The following TNIK variants were observed in gnomAD, a reference collection of about 807,000 sequenced individuals.
TNIK encodes TRAF2 and NCK interacting kinase, also known as TRAF2 and NCK-interacting protein kinase.
In TNIK, 49 loss-of-function variants were observed where a neutral mutation model predicts 191.3. That is an observed-to-expected ratio of 0.26 (90% confidence interval 0.20 to 0.32). The LOEUF (loss-of-function observed/expected upper bound fraction) is 0.32, where lower values mean the gene tolerates loss of function less well. Ranked by LOEUF, TNIK falls within the 10% of genes least tolerant of loss-of-function variation. The probability of loss-of-function intolerance (pLI) is 1.00; values close to 1 mark genes in which losing one functional copy is unlikely to be tolerated. For synonymous variants in TNIK, 594 were observed against 600.9 expected, an observed-to-expected ratio of 0.99 and a Z score of 0.17; for missense variants, 1,155 against 1,702.3, an observed-to-expected ratio of 0.68 and a Z score of 5.66.
Position 171,108,149 on chromosome 3 carries a change from T to C in TNIK, c.2298A>G (p.Ser766=), listed in dbSNP as rs772517575. 5 of 1,558,844 alleles carry C rather than the reference T, an allele frequency of 3.2e-6. No individual in the cohort carries two copies. Among genetic ancestry groups the C allele is most frequent in the Non-Finnish European group, 4.3e-6 (5 of 1,152,632 alleles). Residue 766 remains serine, a synonymous_variant, in exon 20 of 33, where the codon TCA becomes TCG. Coordinates refer to ENST00000436636, the MANE Select transcript of TNIK (RefSeq NM_015028.4). ...CATGGGGGAGCACAGGTGATCCTTC[T>C]GACTTACTGTTGGCTAGAGGAAAAA... ...ERTRVRANSK[S]EGSPVLPHEP... is the part of the protein sequence containing the mutation.
At chr3:171,236,597 C>T (rs1040860758) in intron 2 of TNIK, among the ~76,000 whole-genome samples, 1 of 152,152 alleles carries the variant, frequency 6.6e-6, no homozygotes, top group African/African-American at 2.4e-5. Context: ...ACCTCTGCCT[C>T]CTCTTTTCCC....
intron 2 of TNIK, among the ~76,000 whole-genome samples, chr3:171,299,863 C>A (rs1752700544): frequency 6.6e-6 from 1 of 152,174 alleles, no homozygotes; most frequent in Non-Finnish European, 1.5e-5. Context: ...GAGAGAAAGT[C>A]AACACCTAAC....
At chr3:171,425,245 T>G (rs1560057047) in intron 1 of TNIK, among the ~76,000 whole-genome samples, 1 of 152,220 alleles carries the variant, frequency 6.6e-6, no homozygotes. Flanking sequence ...GAAAGACTGG[T>G]GTACAAACTA....
At chr3:171,371,345 C>T (rs1045061690) in intron 1 of TNIK, among the ~76,000 whole-genome samples, 3 of 152,102 alleles carry the variant, frequency 2.0e-5, no homozygotes, top group Admixed American at 1.3e-4. Flanking sequence ...AAAGCCCCTG[C>T]GTAGGTGCCT....
intron 6 of TNIK, 24 bp downstream of exon 6, chr3:171,190,673 A>T: frequency 6.5e-7 from 1 of 1,546,002 alleles, no homozygotes; most frequent in Non-Finnish European, 8.8e-7. Context: ...TGCAATTCCA[A>T]GGCTCACAGG....
At chr3:171,148,064 T>C (rs534349909) in intron 12 of TNIK, among the ~76,000 whole-genome samples, 7 of 152,242 alleles carry the variant, frequency 4.6e-5, no homozygotes, top group African/African-American at 1.7e-4. Flanking sequence ...ACAGGCCAGA[T>C]ATAACTCATT....
chr3:171,117,019 T>C (rs1177394329), intron 18 of TNIK, among the ~76,000 whole-genome samples: 1 of 152,216 alleles, frequency 6.6e-6, no homozygotes, highest in African/African-American at 2.4e-5. Context: ...TCCCAGACTT[T>C]AGCCATCTAG....
At chr3:171,423,516 C>T (rs1724098540) in intron 1 of TNIK, among the ~76,000 whole-genome samples, 1 of 152,090 alleles carries the variant, frequency 6.6e-6, no homozygotes, top group Non-Finnish European at 1.5e-5. Context: ...AAAGAGCCCG[C>T]ATTGCCAAGT....
At chr3:171,322,460 C>A (rs954362833) in intron 2 of TNIK, among the ~76,000 whole-genome samples, 6 of 152,064 alleles carry the variant, frequency 3.9e-5, no homozygotes, top group African/African-American at 1.2e-4. Flanking sequence ...TTAGTAAATA[C>A]CTTTCAGAAC....
At chr3:171,162,721 AGT>A (rs1051314482) in intron 10 of TNIK, among the ~76,000 whole-genome samples, 2 of 152,194 alleles carry the variant, frequency 1.3e-5, no homozygotes, top group Non-Finnish European at 2.9e-5. Flanking sequence ...CCTCCAAATT[AGT>A]GTCTATTTTT....
chr3:171,282,371 C>T (rs998304503), intron 2 of TNIK, among the ~76,000 whole-genome samples: 15 of 87,410 alleles, frequency 1.7e-4, no homozygotes, highest in Admixed American at 1.3e-4. Flanking sequence ...GATGGAGTTT[C>T]GCTCTTGTTG....
intron 1 of TNIK, among the ~76,000 whole-genome samples, chr3:171,459,436 G>A (rs991132795): frequency 6.6e-6 from 1 of 152,196 alleles, no homozygotes; most frequent in African/African-American, 2.4e-5. Context: ...GAGGGCGCCC[G>A]GGCGCGGGAG....
At chr3:171,292,669 G>A (rs1490387943) in intron 2 of TNIK, among the ~76,000 whole-genome samples, 2 of 151,574 alleles carry the variant, frequency 1.3e-5, no homozygotes, top group African/African-American at 2.4e-5. Context: ...CCAGCTACTC[G>A]GGAGGCTGAG....
At chr3:171,303,235 A>T (rs1019838764) in intron 2 of TNIK, among the ~76,000 whole-genome samples, 1 of 152,196 alleles carries the variant, frequency 6.6e-6, no homozygotes, top group Non-Finnish European at 1.5e-5. Context: ...AGGAAAAAAA[A>T]ATTTAAGTTG....
intron 2 of TNIK, among the ~76,000 whole-genome samples, chr3:171,251,079 T>C (rs1201844993): frequency 6.6e-6 from 1 of 152,188 alleles, no homozygotes; most frequent in Admixed American, 6.5e-5. Flanking sequence ...ACAAAAGGTA[T>C]CATGTACACA....
At chr3:171,282,334 G>GTGTTTTTTTTTTTT (rs1750527554) in intron 2 of TNIK, among the ~76,000 whole-genome samples, 1 of 114,524 alleles carries the variant, frequency 8.7e-6, no homozygotes, top group Non-Finnish European at 1.8e-5. Context: ...TCTCTTAATG[G>GTGTTTTTTTTTTTT]TTTTTTGTTT....
chr3:171,157,535 C>T lies in TNIK; in HGVS notation c.1146G>A (p.Glu382=). 2 of 1,569,054 alleles carry T rather than the reference C, an allele frequency of 1.3e-6. No individual in the cohort carries two copies. The highest frequency in any genetic ancestry group is 1.7e-6 in the Non-Finnish European group (2 of 1,157,342). Residue 382 remains glutamate, a synonymous_variant, in exon 12 of 33, where the codon GAG becomes GAA. Coordinates refer to ENST00000436636, the MANE Select transcript of TNIK (RefSeq NM_015028.4). ...GCTCGGCCAGCAGCTGCCGCTTGTG[C>T]TCCTCATTCTCCCGCTGCTGCTGCT... ...QLEQQQRENE[E]HKRQLLAERQ...
chr3:171,276,517 G>A (rs1376533310), intron 2 of TNIK, among the ~76,000 whole-genome samples: 1 of 152,102 alleles, frequency 6.6e-6, no homozygotes, highest in East Asian at 1.9e-4. Flanking sequence ...AAAACAAACA[G>A]CCATACGAAC....
At chr3:171,404,066 C>G (rs979815566) in intron 1 of TNIK, among the ~76,000 whole-genome samples, 1 of 152,210 alleles carries the variant, frequency 6.6e-6, no homozygotes, top group Non-Finnish European at 1.5e-5. Flanking sequence ...GCATGAAGTA[C>G]AGCCACTTGT....
Sources: gnomAD v4.1 joint callset for allele counts (sites outside exome capture counted in the v4.1 genomes callset) on GRCh38, gnomAD v4.1.1 for gene constraint, MANE v1.5 for transcripts, NCBI Gene and HGNC (gene_info 2026-07-23, HGNC 2026-07-21) for gene names.